The following COMMD10 variants were observed in gnomAD, a reference collection of about 807,000 sequenced individuals.
COMMD10 encodes COMM domain containing 10, also known as COMM domain-containing protein 10.
Under a neutral mutation model 28.9 loss-of-function variants are expected in COMMD10, and 33 were observed. The ratio of observed to expected loss-of-function variants is 1.14; its 90% CI spans 0.87 to 1.53. COMMD10 has a LOEUF of 1.53. COMMD10 is among the 40% of genes most tolerant of loss of function. The pLI, the probability that COMMD10 is intolerant of heterozygous loss-of-function variation, is 0.00. For synonymous variants in COMMD10, 110 were observed against 81.7 expected, an observed-to-expected ratio of 1.35 and a Z score of -1.87; for missense variants, 310 against 233.4, an observed-to-expected ratio of 1.33 and a Z score of -2.14.
intron 5 of COMMD10, among the ~76,000 whole-genome samples, chr5:116,275,409 A>T (rs1189638500): frequency 6.6e-6 from 1 of 151,834 alleles, no homozygotes; most frequent in Non-Finnish European, 1.5e-5. Flanking sequence ...TTCTACTAGG[A>T]ATCCTTTATT....
chr5:116,257,291 T>A (rs890472610), intron 5 of COMMD10, among the ~76,000 whole-genome samples: 1 of 151,598 alleles, frequency 6.6e-6, no homozygotes, highest in Non-Finnish European at 1.5e-5. Context: ...ATTTTCAGAT[T>A]AGGGATGCAC....
chr5:116,258,549 A>G (rs564095008), intron 5 of COMMD10, among the ~76,000 whole-genome samples: 1 of 151,690 alleles, frequency 6.6e-6, no homozygotes, highest in Admixed American at 6.6e-5. Flanking sequence ...ATGTATATTT[A>G]TTCTCACTTG....
intron 4 of COMMD10, among the ~76,000 whole-genome samples, chr5:116,132,404 A>G (rs1313137151): frequency 6.6e-6 from 1 of 152,112 alleles, no homozygotes; most frequent in African/African-American, 2.4e-5. Flanking sequence ...TTAAGCATGA[A>G]CCAAATCATA....
At position 116,256,282 on chromosome 5, in the gene COMMD10, A is replaced by G. The variant is rs1261241366; in HGVS notation, c.511-35235A>G. ...AAGACTAGTGGAAACTTCAAATGGCAGTATCGAACTTCTGTTCCTTTTGGG... is the reference window on the plus strand; with the variant it reads ...AAGACTAGTGGAAACTTCAAATGGCGGTATCGAACTTCTGTTCCTTTTGGG... On this transcript the variant is annotated intron_variant, in intron 5 of 6. Coordinates refer to ENST00000274458, the MANE Select transcript of COMMD10 (RefSeq NM_016144.4). Among the ~76,000 whole-genome samples the G allele has an allele frequency of 2.6e-5, 4 of 151,728 alleles. No homozygotes were observed. In the East Asian group the frequency reaches 5.8e-4, roughly 22 times the overall value.
intron 2 of COMMD10, among the ~76,000 whole-genome samples, chr5:116,089,203 A>C (rs1037562307): frequency 6.6e-6 from 1 of 152,182 alleles, no homozygotes; most frequent in African/African-American, 2.4e-5. Flanking sequence ...TCTAATCCGT[A>C]TGGCAACTTG....
intron 5 of COMMD10, among the ~76,000 whole-genome samples, chr5:116,171,588 T>G (rs1161020984): frequency 6.6e-6 from 1 of 152,074 alleles, no homozygotes; most frequent in Non-Finnish European, 1.5e-5. Flanking sequence ...CAAATGCCCA[T>G]CAATGATATA....
chr5:116,249,305 G>A (rs1329815636), intron 5 of COMMD10, among the ~76,000 whole-genome samples: 2 of 151,840 alleles, frequency 1.3e-5, no homozygotes, highest in East Asian at 3.9e-4. Flanking sequence ...ATAAGTATTC[G>A]AATCTTTCAT....
At chr5:116,270,132 T>C (rs1353391262) in intron 5 of COMMD10, among the ~76,000 whole-genome samples, 1 of 151,922 alleles carries the variant, frequency 6.6e-6, no homozygotes, top group Non-Finnish European at 1.5e-5. Flanking sequence ...CTACTTTACA[T>C]TTTTATTTAC....
chr5:116,192,371 G>A (rs2112613718), intron 5 of COMMD10, among the ~76,000 whole-genome samples: 2 of 151,868 alleles, frequency 1.3e-5, no homozygotes. Flanking sequence ...TAGGTAATCA[G>A]GGAGGCACCA....
intron 5 of COMMD10, among the ~76,000 whole-genome samples, chr5:116,228,938 G>C (rs1749463311): frequency 2.0e-5 from 3 of 151,892 alleles, no homozygotes. Flanking sequence ...TTGACTCCCA[G>C]CTCAGGATAG....
At chr5:116,286,871 A>G (rs1185451187) in intron 5 of COMMD10, among the ~76,000 whole-genome samples, 1 of 151,722 alleles carries the variant, frequency 6.6e-6, no homozygotes, top group African/African-American at 2.4e-5. Flanking sequence ...TGTTAGGTCT[A>G]ATTGGTCTAT....
At chr5:116,195,286 T>G (rs1748481403) in intron 5 of COMMD10, among the ~76,000 whole-genome samples, 1 of 152,134 alleles carries the variant, frequency 6.6e-6, no homozygotes, top group South Asian at 2.1e-4. Context: ...CCTACTCCTC[T>G]TCAGTATAGT....
intron 5 of COMMD10, among the ~76,000 whole-genome samples, chr5:116,176,889 C>A (rs1396769427): frequency 6.6e-6 from 1 of 152,064 alleles, no homozygotes; most frequent in Admixed American, 6.6e-5. Flanking sequence ...CTGTAACAAA[C>A]ATACTAGGCC....
chr5:116,103,463 C>T (rs774050407), intron 4 of COMMD10, among the ~76,000 whole-genome samples: 4 of 152,108 alleles, frequency 2.6e-5, no homozygotes, highest in Non-Finnish European at 5.9e-5. Flanking sequence ...GCATAAATGT[C>T]TTCTTTTGAG....
intron 5 of COMMD10, among the ~76,000 whole-genome samples, chr5:116,240,108 A>G (rs1749774336): frequency 6.6e-6 from 1 of 152,174 alleles, no homozygotes; most frequent in Non-Finnish European, 1.5e-5. Context: ...ATGTGAGGCT[A>G]GAGAGAGTCC....
intron 5 of COMMD10, among the ~76,000 whole-genome samples, chr5:116,170,216 C>T (rs1184324451): frequency 2.6e-5 from 4 of 152,122 alleles, no homozygotes; most frequent in Non-Finnish European, 5.9e-5. Flanking sequence ...AGAGCCAAAT[C>T]ATGAGCAAAC....
intron 5 of COMMD10, among the ~76,000 whole-genome samples, chr5:116,168,170 A>AAAG (rs1753196332): frequency 6.6e-6 from 1 of 151,724 alleles, no homozygotes; most frequent in African/African-American, 2.4e-5. Context: ...AAAAAAAAAA[A>AAAG]AAAAGGGATT....
chr5:116,120,870 T>A (rs1220718408), intron 4 of COMMD10, among the ~76,000 whole-genome samples: 3 of 152,158 alleles, frequency 2.0e-5, no homozygotes, highest in Non-Finnish European at 2.9e-5. Context: ...TGAATAAACC[T>A]AATTAATGTT....
intron 4 of COMMD10, among the ~76,000 whole-genome samples, chr5:116,120,691 G>C (rs1234694702): frequency 6.6e-6 from 1 of 151,302 alleles, no homozygotes; most frequent in Non-Finnish European, 1.5e-5. Flanking sequence ...TATGTGTCTG[G>C]CTTCATACAC....
Sources: gnomAD v4.1 joint callset for allele counts (sites outside exome capture counted in the v4.1 genomes callset) on GRCh38, gnomAD v4.1.1 for gene constraint, MANE v1.5 for transcripts, NCBI Gene and HGNC (gene_info 2026-07-23, HGNC 2026-07-21) for gene names.